ODF2L: variants seen among roughly 807,000 people sequenced by gnomAD.
ODF2L encodes the protein protein BCAP.
In ODF2L, 76 loss-of-function variants were observed where a neutral mutation model predicts 86.3. That is an observed-to-expected ratio of 0.88 (90% confidence interval 0.73 to 1.07). ODF2L has a LOEUF of 1.07. ODF2L is among the 50% of genes least tolerant of loss of function. The pLI, the probability that ODF2L is intolerant of heterozygous loss-of-function variation, is 0.00. For synonymous variants in ODF2L, 241 were observed against 231.3 expected (o/e 1.04, Z -0.38); for missense variants, 748 against 717.4 (o/e 1.04, Z -0.49).
rs911616877 is a variant in ODF2L, at chr1:86,386,848, T to G, written c.113+67A>C. 5.3e-6 allele frequency: 4 copies of G among 759,288 alleles called. No individual in the cohort carries two copies. In the African/African-American group the frequency reaches 7.1e-5, roughly 14 times the overall value. The allele number at this position is 759,288 out of a possible 1,614,324, so 47.0% of individuals were successfully genotyped here. A position where few individuals can be genotyped will look rare whatever the true frequency, so the allele number is the denominator to read the frequency against. On this transcript the variant is annotated intron_variant, in intron 2 of 17. Coordinates refer to ENST00000317336, the Ensembl canonical transcript of ODF2L. Reference sequence around the variant, plus strand: ...TGCTGTATTTGATTCAAATAATTTATATTATAGACAAAACAGGAAATCCTA... The same window carrying G: ...TGCTGTATTTGATTCAAATAATTTAGATTATAGACAAAACAGGAAATCCTA...
intron 11 of ODF2L, among the ~76,000 whole-genome samples, chr1:86,362,365 T>C (rs913392856): frequency 6.6e-6 from 1 of 151,938 alleles, no homozygotes; most frequent in African/African-American, 2.4e-5. Flanking sequence ...GTAATCATGG[T>C]TCACTGCAGC....
exon 18 of ODF2L, chr1:86,350,599 T>C (rs1658062248): frequency 6.6e-6 from 1 of 152,204 alleles, no homozygotes; most frequent in African/African-American, 2.4e-5. Flanking sequence ...TGATTTATAG[T>C]CCTTTGGGTA....
chr1:86,389,564 GAA>G (rs66716003), intron 1 of ODF2L, among the ~76,000 whole-genome samples: 5,541 of 121,996 alleles, frequency 0.045, 164 homozygotes, highest in African/African-American at 0.095. Context: ...AAATGAAACT[GAA>G]AAAAAAAAAA....
chr1:86,364,267 T>G (rs923476097), intron 11 of ODF2L, among the ~76,000 whole-genome samples: 7 of 152,218 alleles, frequency 4.6e-5, no homozygotes, highest in African/African-American at 1.7e-4. Flanking sequence ...AAGCATTCAT[T>G]CAATAAATAT....
intron 11 of ODF2L, among the ~76,000 whole-genome samples, chr1:86,363,255 T>C (rs1057259579): frequency 6.6e-6 from 1 of 152,180 alleles, no homozygotes; most frequent in African/African-American, 2.4e-5. Context: ...ATTTTGGACA[T>C]GACAACTTTT....
intron 7 of ODF2L, among the ~76,000 whole-genome samples, chr1:86,380,847 TC>T (rs1171933202): frequency 6.6e-6 from 1 of 151,972 alleles, no homozygotes; most frequent in East Asian, 1.9e-4. Context: ...TGTGGGATGT[TC>T]CCAGAGGTTT....
chr1:86,355,406 CT>C, intron 14 of ODF2L: 1 of 1,482,390 alleles, frequency 6.7e-7, no homozygotes, highest in Non-Finnish European at 9.2e-7. Flanking sequence ...ATGTAAGAAG[CT>C]TTGATTCAAG....
chr1:86,374,323 A>G lies in ODF2L; in HGVS notation c.811-1783T>C, dbSNP rs138566299. On this transcript the variant is annotated intron_variant, in intron 8 of 17. Transcript: ENST00000317336. ...ATAAATTAAGATATTTAGAAGTTTT[A>G]TCAGTAAGAAAAGAATTTATATGTT... Among the ~76,000 whole-genome samples, 966 of 152,308 alleles carry G rather than the reference A, an allele frequency of 6.3e-3. 39 individuals are homozygous for G. Among genetic ancestry groups the G allele is most frequent in the Admixed American group, 0.059 (895 of 15,288 alleles).
chr1:86,385,036 C>G (rs963148663), intron 3 of ODF2L, among the ~76,000 whole-genome samples: 2 of 151,768 alleles, frequency 1.3e-5, no homozygotes, highest in Admixed American at 6.6e-5. Context: ...GGCTTTTATT[C>G]AAATAAAAGT....
chr1:86,383,326 C>T lies in ODF2L; in HGVS notation c.373-130G>A, dbSNP rs938061445. 3 of 496,368 alleles carry T rather than the reference C, an allele frequency of 6.0e-6. No individual in the cohort carries two copies. In the African/African-American group the frequency reaches 6.1e-5, roughly 10 times the overall value. The allele number at this position is 496,368 out of a possible 1,614,324, so 30.7% of individuals were successfully genotyped here. On this transcript the variant is annotated intron_variant, in intron 4 of 17. Coordinates refer to ENST00000317336, the Ensembl canonical transcript of ODF2L. ...TTCAGATTTTTAAAAGAGTTAACAA[C>T]TGAAAAGATTTTTGCCCTAGTATTC...
At chr1:86,376,908 A>T (rs1660213556) in intron 7 of ODF2L, among the ~76,000 whole-genome samples, 1 of 152,046 alleles carries the variant, frequency 6.6e-6, no homozygotes, top group African/African-American at 2.4e-5. Flanking sequence ...CCCCTCCTAA[A>T]TCTCATGTCT....
chr1:86,363,950 C>T (rs1016701866), intron 11 of ODF2L, among the ~76,000 whole-genome samples: 1 of 151,902 alleles, frequency 6.6e-6, no homozygotes, highest in African/African-American at 2.4e-5. Flanking sequence ...TAATAAAACA[C>T]AAACATCTAG....
At chr1:86,393,928 T>C (rs536128515) in intron 1 of ODF2L, among the ~76,000 whole-genome samples, 20 of 152,310 alleles carry the variant, frequency 1.3e-4, no homozygotes, top group African/African-American at 4.3e-4. Context: ...AGTGTCCATA[T>C]AGAGCCCAAT....
chr1:86,359,500 C>T (rs1159131355), intron 12 of ODF2L, among the ~76,000 whole-genome samples: 1 of 150,044 alleles, frequency 6.7e-6, no homozygotes, highest in African/African-American at 2.5e-5. Flanking sequence ...CCCCCTTAAG[C>T]TTTCATCCTT....
intron 11 of ODF2L, among the ~76,000 whole-genome samples, chr1:86,367,569 A>AAC (rs1659528630): frequency 6.6e-6 from 1 of 151,708 alleles, no homozygotes; most frequent in African/African-American, 2.4e-5. Flanking sequence ...AAAAAAAACA[A>AAC]AACAACAACA....
chr1:86,372,514 T>C (rs759501358), exon 9 of ODF2L: 1 of 1,522,972 alleles, frequency 6.6e-7, no homozygotes, highest in Admixed American at 2.2e-5. Context: ...CATTGGAAGC[T>C]GAAATTGTTT....
intron 9 of ODF2L, 148 bp from the exon 10 acceptor site, chr1:86,371,301 G>A: frequency 2.2e-6 from 1 of 453,178 alleles, no homozygotes. Flanking sequence ...CATAGAACAA[G>A]AAAAATAAGA....
At chr1:86,380,701 T>A (rs1314705325) in intron 7 of ODF2L, among the ~76,000 whole-genome samples, 2 of 152,090 alleles carry the variant, frequency 1.3e-5, no homozygotes, top group East Asian at 3.9e-4. Context: ...TCTTTTTCTA[T>A]CTCCAAAGCA....
At chr1:86,357,766 T>G in intron 13 of ODF2L, 12 of 977,792 alleles carry the variant, frequency 1.2e-5, no homozygotes, top group Non-Finnish European at 1.5e-5. Flanking sequence ...AAAATAGTTG[T>G]CTTGTTAAAT....
Sources: allele counts gnomAD v4.1 joint callset (sites outside exome capture counted in the v4.1 genomes callset), GRCh38; gene constraint gnomAD v4.1.1; transcripts MANE v1.5; gene names NCBI Gene and HGNC (gene_info 2026-07-23, HGNC 2026-07-21).